The following FAM78A variants were observed in gnomAD, a reference collection of about 807,000 sequenced individuals.
FAM78A encodes protein FAM78A.
Under a neutral mutation model 22.6 loss-of-function variants are expected in FAM78A, and 12 were observed. The ratio of observed to expected loss-of-function variants is 0.53; its 90% CI spans 0.34 to 0.86. The LOEUF (loss-of-function observed/expected upper bound fraction) is 0.86, where lower values mean the gene tolerates loss of function less well. Among genes scored for constraint, FAM78A ranks in the 40% least tolerant of loss-of-function variants. The pLI, the probability that FAM78A is intolerant of heterozygous loss-of-function variation, is 0.02. For missense variants in FAM78A, 322 were observed against 396.1 expected (o/e 0.81, Z 1.59); for synonymous variants, 151 against 155.8 (o/e 0.97, Z 0.23).
chr9:131,262,019 G>T (rs148616802), intron 1 of FAM78A, among the ~76,000 whole-genome samples: 1 of 151,800 alleles, frequency 6.6e-6, no homozygotes, highest in African/African-American at 2.4e-5. Flanking sequence ...TTGAGGTTAG[G>T]AGTTCAAGAC....
Position 131,272,654 on chromosome 9 carries a change from C to T in FAM78A, c.323+3203G>A, listed in dbSNP as rs1010387189. On this transcript the variant is annotated intron_variant, in intron 1 of 1. Coordinates refer to ENST00000372271, the MANE Select transcript of FAM78A (RefSeq NM_033387.4). This position sits in a 1 kb window ranked among gnomAD's most constrained non-coding sequence, Gnocchi z 4.1. ...GGAGACAGGAAGGGGGTTTTAAATCCCACCCAAGGCTCACACCTGTAATCC... is the reference window on the plus strand; with the variant it reads ...GGAGACAGGAAGGGGGTTTTAAATCTCACCCAAGGCTCACACCTGTAATCC... 1.3e-5 allele frequency among the ~76,000 whole-genome samples: 2 copies of T among 152,158 alleles called. 1 individual carries two copies. Among genetic ancestry groups the T allele is most frequent in the Non-Finnish European group, 2.9e-5 (2 of 68,032 alleles).
At chr9:131,264,726 CTTT>C (rs57794278) in intron 1 of FAM78A, 390 of 560,404 alleles carry the variant, frequency 7.0e-4, no homozygotes, top group Middle Eastern at 1.2e-3. Context: ...CTTTTCTGAC[CTTT>C]TTTTTTTTTT....
At chr9:131,280,542 A>T (rs548331652), upstream of FAM78A, among the ~76,000 whole-genome samples, 8 of 152,194 alleles carry the variant, frequency 5.3e-5, no homozygotes, top group African/African-American at 1.9e-4. Flanking sequence ...CTGAAAAATG[A>T]GAAAGAGGAG....
rs371500291 is a variant in FAM78A, at chr9:131,260,968, C to A, written c.706G>T (p.Ala236Ser). The A allele has an allele frequency of 2.5e-6, 4 of 1,612,498 alleles. No homozygotes were observed. The highest frequency in any genetic ancestry group is 2.7e-5 in the African/African-American group (2 of 74,898). ...CTCAGGATTTTGGGCTGGTCCTGGG[C>A]GATGGGCTCCCGCAGCCGGGCGCGC... ...GQRARLREPI[A>S]QDQPKILSKN... Residue 236 changes from alanine (A) to serine (S), a missense_variant, in exon 2 of 2, where the codon GCC becomes TCC. Transcript: ENST00000372271. This position sits in a 1 kb window ranked among gnomAD's most constrained non-coding sequence, Gnocchi z 5.4.
chr9:131,260,579 G>A lies in FAM78A; in HGVS notation c.*243C>T. The A allele has an allele frequency of 2.5e-6, 1 of 405,986 alleles. No homozygotes were observed. Among genetic ancestry groups the A allele is most frequent in the Non-Finnish European group, 4.3e-6 (1 of 230,426 alleles). 25.1% of individuals were successfully genotyped at this position (405,986 alleles called of 1,614,324 possible). ...AACTGAGAAAAAGGAGAGGCAAGGAGACCAGAGGTCACCCTGAGGGCGCAC... is the reference window on the plus strand; with the variant it reads ...AACTGAGAAAAAGGAGAGGCAAGGAAACCAGAGGTCACCCTGAGGGCGCAC... On this transcript the variant is annotated 3_prime_UTR_variant, in exon 2 of 2. Transcript: ENST00000372271. This position sits in a 1 kb window ranked among gnomAD's most constrained non-coding sequence, Gnocchi z 5.4.
Position 131,275,028 on chromosome 9 carries a change from T to C in FAM78A, c.323+829A>G, listed in dbSNP as rs9987831. On this transcript the variant is annotated intron_variant, in intron 1 of 1. Coordinates refer to ENST00000372271, the MANE Select transcript of FAM78A (RefSeq NM_033387.4). The surrounding 1 kb of genome is among the most constrained non-coding windows in gnomAD (Gnocchi z 4.6). ...ATTAAGTCACTCTCCCAACTCTGCCTAAATGCAGCTCTTTTCACCCTGGGG... is the reference window on the plus strand; with the variant it reads ...ATTAAGTCACTCTCCCAACTCTGCCCAAATGCAGCTCTTTTCACCCTGGGG... 2.3e-3 allele frequency among the ~76,000 whole-genome samples: 353 copies of C among 152,310 alleles called. 3 individuals are homozygous for C. The highest frequency in any genetic ancestry group is 8.1e-3 in the African/African-American group (335 of 41,558).
chr9:131,263,280 G>A (rs2131157198), intron 1 of FAM78A, among the ~76,000 whole-genome samples: 2 of 149,300 alleles, frequency 1.3e-5, no homozygotes, highest in South Asian at 2.1e-4. Flanking sequence ...TCTGAAGATA[G>A]ATGGTGGTGA....
chr9:131,274,781 C>T lies in FAM78A; in HGVS notation c.323+1076G>A, dbSNP rs544458429. On this transcript the variant is annotated intron_variant, in intron 1 of 1. Coordinates refer to ENST00000372271, the MANE Select transcript of FAM78A (RefSeq NM_033387.4). This position sits in a 1 kb window ranked among gnomAD's most constrained non-coding sequence, Gnocchi z 4.2. Reference sequence around the variant, plus strand: ...CTTTTCCCCACTTGCAAAACGGGGACGTGAAGCTGCACAGGGTAGACACTG... The same window carrying T: ...CTTTTCCCCACTTGCAAAACGGGGATGTGAAGCTGCACAGGGTAGACACTG... 6.6e-6 allele frequency among the ~76,000 whole-genome samples: 1 copy of T among 152,258 alleles called. No individual in the cohort carries two copies. The highest frequency in any genetic ancestry group is 1.9e-4 in the East Asian group (1 of 5,170).
intron 1 of FAM78A, among the ~76,000 whole-genome samples, chr9:131,267,642 G>A (rs1159586447): frequency 6.6e-6 from 1 of 152,180 alleles, no homozygotes; most frequent in Non-Finnish European, 1.5e-5. Context: ...TAAATATGTT[G>A]CATTAAAATA....
Position 131,258,468 on chromosome 9 carries a change from T to C in FAM78A, c.*2354A>G, listed in dbSNP as rs1488376390. 1.3e-5 allele frequency: 2 copies of C among 151,252 alleles called. No homozygotes were observed. Among genetic ancestry groups the C allele is most frequent in the African/African-American group, 4.9e-5 (2 of 41,174 alleles). The allele number at this position is 151,252 out of a possible 1,614,324, so 9.4% of individuals were successfully genotyped here. A position where few individuals can be genotyped will look rare whatever the true frequency, so the allele number is the denominator to read the frequency against. On this transcript the variant is annotated 3_prime_UTR_variant, in exon 2 of 2. Transcript: ENST00000372271. ...AAGAAGGGGCACGGGTGAAGGTGGGTCAGGGGGCAAGGTGGGCTGGGGGCC... is the reference window on the plus strand; with the variant it reads ...AAGAAGGGGCACGGGTGAAGGTGGGCCAGGGGGCAAGGTGGGCTGGGGGCC...
rs1362169921 is a variant in FAM78A at position 131,260,093 on chromosome 9, T to G, written c.*729A>C. The G allele has an allele frequency of 1.3e-5, 2 of 152,454 alleles. No homozygotes were observed. The highest frequency in any genetic ancestry group is 4.8e-5 in the African/African-American group (2 of 41,448). 9.4% of individuals were successfully genotyped at this position (152,454 alleles called of 1,614,324 possible). Reference sequence around the variant, plus strand: ...AGGGGCTGTTCAGGCAGAATCTACCTGTGGTTTTATTTCTGCCAAAAAGAA... The same window carrying G: ...AGGGGCTGTTCAGGCAGAATCTACCGGTGGTTTTATTTCTGCCAAAAAGAA... On this transcript the variant is annotated 3_prime_UTR_variant, in exon 2 of 2. Coordinates refer to ENST00000372271, the MANE Select transcript of FAM78A (RefSeq NM_033387.4). The surrounding 1 kb of genome is among the most constrained non-coding windows in gnomAD (Gnocchi z 5.4).
At chr9:131,266,337 G>A (rs998195020) in intron 1 of FAM78A, among the ~76,000 whole-genome samples, 2 of 152,136 alleles carry the variant, frequency 1.3e-5, no homozygotes, top group African/African-American at 2.4e-5. Flanking sequence ...GTGTGCACAC[G>A]TGCACAGCAC....
Position 131,260,639 on chromosome 9 carries a change from T to C in FAM78A, c.*183A>G, listed in dbSNP as rs1835250692. ...GTCTGTCCTGCTTAGATCTCCCCTCTCCCTGAAAGGAAGCAGGTGCCGAGA... is the reference window on the plus strand; with the variant it reads ...GTCTGTCCTGCTTAGATCTCCCCTCCCCCTGAAAGGAAGCAGGTGCCGAGA... On this transcript the variant is annotated 3_prime_UTR_variant, in exon 2 of 2. Transcript: ENST00000372271. This position sits in a 1 kb window ranked among gnomAD's most constrained non-coding sequence, Gnocchi z 5.4. The C allele has an allele frequency of 3.3e-6, 2 of 611,806 alleles. No individual in the cohort carries two copies. The highest frequency in any genetic ancestry group is 3.8e-5 in the African/African-American group (2 of 53,318). 37.9% of individuals were successfully genotyped at this position (611,806 alleles called of 1,614,324 possible). A position where few individuals can be genotyped will look rare whatever the true frequency, so the allele number is the denominator to read the frequency against.
rs533584916 is a variant in FAM78A, at chr9:131,275,620, G to T, written c.323+237C>A. Among the ~76,000 whole-genome samples the T allele has an allele frequency of 6.6e-5, 10 of 152,166 alleles. No homozygotes were observed. The highest frequency in any genetic ancestry group is 2.4e-4 in the African/African-American group (10 of 41,432). On this transcript the variant is annotated intron_variant, in intron 1 of 1. Transcript: ENST00000372271. This position sits in a 1 kb window ranked among gnomAD's most constrained non-coding sequence, Gnocchi z 4.6. ...CTTGCAGGGAAGGACACAGGAACCC[G>T]GGGGGAACAGTGGCAGGGTAGATTG...
At chr9:131,270,470 ATGTT>A in intron 1 of FAM78A, 1 of 717,018 alleles carries the variant, frequency 1.4e-6, no homozygotes, top group Non-Finnish European at 2.6e-6. Flanking sequence ...TTGGTCTCCA[ATGTT>A]TGTTTCCAGT....
chr9:131,261,499 G>T lies in FAM78A; in HGVS notation c.324-149C>A, dbSNP rs1229574502. On this transcript the variant is annotated intron_variant, in intron 1 of 1. Transcript: ENST00000372271. The surrounding 1 kb of genome is among the most constrained non-coding windows in gnomAD (Gnocchi z 7.1). Reference sequence around the variant, plus strand: ...CCCTTTGACGTTCTGGGGGCAGGGGGTCAGACAGTAGCTCGGAGTCACTGT... The same window carrying T: ...CCCTTTGACGTTCTGGGGGCAGGGGTTCAGACAGTAGCTCGGAGTCACTGT... 3 of 661,888 alleles carry T rather than the reference G, an allele frequency of 4.5e-6. No homozygotes were observed. The highest frequency in any genetic ancestry group is 2.0e-5 in the South Asian group (1 of 49,006). The allele number at this position is 661,888 out of a possible 1,614,324, so 41.0% of individuals were successfully genotyped here. A position where few individuals can be genotyped will look rare whatever the true frequency, so the allele number is the denominator to read the frequency against.
At chr9:131,270,443 G>GTTGAGTGAC in intron 1 of FAM78A, 3 of 717,448 alleles carry the variant, frequency 4.2e-6, no homozygotes, top group Middle Eastern at 2.3e-4. Context: ...TACTACGGCT[G>GTTGAGTGAC]TTGAGTGACG....
intron 1 of FAM78A, among the ~76,000 whole-genome samples, chr9:131,268,177 C>T (rs1034040754): frequency 2.0e-5 from 3 of 152,150 alleles, no homozygotes; most frequent in African/African-American, 7.2e-5. Flanking sequence ...ATTATTTTAC[C>T]TACTCCCCAA....
In FAM78A at chr9:131,260,827, G is replaced by A. The variant is rs1218167628; in HGVS notation, c.847C>T (p.Arg283Trp). ...CTAGCGGGTGGTCCTGGCTGTCACCGGTGCTTGGGCGGGATCACCACCAGC... is the reference window on the plus strand; with the variant it reads ...CTAGCGGGTGGTCCTGGCTGTCACCAGTGCTTGGGCGGGATCACCACCAGC... The part of the protein sequence containing the change: ...QPLVVIPPKH[R>W] The change falls in exon 2 of 2, where the codon CGG (arginine) becomes TGG (tryptophan). Residue 283 changes from arginine to tryptophan, a missense_variant. By Grantham distance (101) the Arg-to-Trp change is moderately radical. Coordinates refer to ENST00000372271, the MANE Select transcript of FAM78A (RefSeq NM_033387.4). This position sits in a 1 kb window ranked among gnomAD's most constrained non-coding sequence, Gnocchi z 5.4. 4.0e-6 allele frequency: 6 copies of A among 1,516,088 alleles called. No individual in the cohort carries two copies. Among genetic ancestry groups the A allele is most frequent in the African/African-American group, 1.4e-5 (1 of 71,684 alleles). 93.9% of individuals were successfully genotyped at this position (1,516,088 alleles called of 1,614,324 possible).
Sources: gnomAD v4.1 joint callset for allele counts (sites outside exome capture counted in the v4.1 genomes callset) on GRCh38, gnomAD v4.1.1 for gene constraint, Gnocchi (gnomAD v3.1) non-coding constraint, MANE v1.5 for transcripts, NCBI Gene and HGNC (gene_info 2026-07-23, HGNC 2026-07-21) for gene names.